MYOF: variants seen among roughly 807,000 people sequenced by gnomAD.
MYOF encodes the protein myoferlin.
MYOF carries 244 observed loss-of-function variants against 284.2 expected under a neutral mutation model. The observed-to-expected ratio is 0.86, with a 90% CI of 0.77 to 0.95. The LOEUF (loss-of-function observed/expected upper bound fraction) is 0.95, where lower values mean the gene tolerates loss of function less well. MYOF is among the 40% of genes least tolerant of loss of function. The pLI is 0.00. For missense variants in MYOF, 2,496 were observed against 2,560.6 expected (o/e 0.97, Z 0.54); for synonymous variants, 904 against 919.7 (o/e 0.98, Z 0.31).
rs1243618498 is a variant in MYOF at position 93,354,703 on chromosome 10, T to TCTCTCTCTCTCTCTCTCTCTCTCTCTC, written c.3404-816_3404-815insGAGAGAGAGAGAGAGAGAGAGAGAGAG. Among the ~76,000 whole-genome samples the TCTCTCTCTCTCTCTCTCTCTCTCTCTC allele has an allele frequency of 4.4e-4, 31 of 70,750 alleles. 3 individuals carry two copies. The highest frequency in any genetic ancestry group is 1.0e-3 in the African/African-American group (28 of 27,400). The allele number at this position is 70,750 out of a possible 152,430, so 46.4% of individuals were successfully genotyped here. ...TCTCTCTCTCTCTCTCTCTCTCTCT[T>TCTCTCTCTCTCTCTCTCTCTCTCTCTC]TGTGAGATAGCAGAGCATTATGATT... On this transcript the variant is annotated intron_variant, in intron 31 of 53. Transcript: ENST00000359263.
chr10:93,465,887 C>T (rs943752902), intron 1 of MYOF, among the ~76,000 whole-genome samples: 4 of 152,158 alleles, frequency 2.6e-5, no homozygotes, highest in African/African-American at 4.8e-5. Flanking sequence ...TGTGGAGCTC[C>T]GGAGGGCAGG....
intron 1 of MYOF, among the ~76,000 whole-genome samples, chr10:93,470,250 C>CAAAG (rs56240524): frequency 0.96 from 139,976 of 145,330 alleles, 67,628 homozygotes; most frequent in Non-Finnish European, 1. Flanking sequence ...AAGAAAGAAA[C>CAAAG]AAAGAAAGAA....
intron 40 of MYOF, 62 bp downstream of exon 40, chr10:93,337,753 C>G: frequency 7.1e-7 from 1 of 1,412,002 alleles, no homozygotes; most frequent in Non-Finnish European, 1.0e-6. Context: ...CCTCTTAGCT[C>G]TGCCTGTGGC....
At chr10:93,355,453 A>G (rs1348968242) in intron 31 of MYOF, among the ~76,000 whole-genome samples, 175 bp downstream of exon 31, 1 of 152,026 alleles carries the variant, frequency 6.6e-6, no homozygotes, top group Non-Finnish European at 1.5e-5. Context: ...AGGCATGGTG[A>G]CGTGCGCCTG....
chr10:93,451,687 A>C (rs2056595243), intron 3 of MYOF, among the ~76,000 whole-genome samples: 1 of 58,996 alleles, frequency 1.7e-5, no homozygotes, highest in Admixed American at 1.8e-4. Context: ...AATAATCAGA[A>C]GAAGTGATTT....
At chr10:93,388,842 T>G (rs1186236280) in intron 18 of MYOF, among the ~76,000 whole-genome samples, 188 bp downstream of exon 18, 2 of 152,226 alleles carry the variant, frequency 1.3e-5, no homozygotes, top group Non-Finnish European at 2.9e-5. Context: ...GCATAGAAGT[T>G]GGGGGAAATG....
intron 7 of MYOF, among the ~76,000 whole-genome samples, chr10:93,404,821 A>G (rs1847481167): frequency 1.3e-5 from 2 of 152,172 alleles, no homozygotes; most frequent in Admixed American, 6.5e-5. Flanking sequence ...TTTCAAGACA[A>G]TTTTGCCCAT....
At chr10:93,427,494 G>C (rs1848647598) in intron 4 of MYOF, among the ~76,000 whole-genome samples, 1 of 132,908 alleles carries the variant, frequency 7.5e-6, no homozygotes, top group Admixed American at 8.8e-5. Context: ...TCGTGCCACT[G>C]CACTCCAGCC....
intron 22 of MYOF, 121 bp from the exon 23 acceptor site, chr10:93,375,076 T>A: frequency 1.0e-6 from 1 of 975,938 alleles, no homozygotes; most frequent in East Asian, 2.6e-5. Context: ...ACCTCCTAAC[T>A]GAATCTACAA....
intron 3 of MYOF, among the ~76,000 whole-genome samples, chr10:93,437,803 C>T (rs1419676930): frequency 6.6e-6 from 1 of 152,184 alleles, no homozygotes; most frequent in African/African-American, 2.4e-5. Flanking sequence ...CTCCCCAGCA[C>T]TTCTCCCTCT....
chr10:93,401,458 G>T lies in MYOF; in HGVS notation c.1077C>A (p.Thr359=). 6.2e-7 allele frequency: 1 copy of T among 1,614,112 alleles called. No homozygotes were observed. The highest frequency in any genetic ancestry group is 8.5e-7 in the Non-Finnish European group (1 of 1,180,020). ...LPAGIALRWV[T]FLLKIYRAED... The stretch of plus-strand genomic sequence containing the variant: ...CAGCTCGGTAGATTTTCAGCAAGAA[G>T]GTCACCCACCGGAGGGCAATGCCAG... Residue 359 remains threonine (T), a synonymous_variant, in exon 12 of 54, where the codon ACC becomes ACA. Transcript: ENST00000359263.
At chr10:93,340,570 A>G (rs764410598) in intron 38 of MYOF, among the ~76,000 whole-genome samples, 2 of 152,116 alleles carry the variant, frequency 1.3e-5, no homozygotes, top group Non-Finnish European at 2.9e-5. Context: ...TTCCTTAAAT[A>G]TATCTCCGAA....
At chr10:93,406,317 T>TATATATATATATATATA (rs1554855587) in intron 7 of MYOF, among the ~76,000 whole-genome samples, 44 of 120,326 alleles carry the variant, frequency 3.7e-4, no homozygotes, top group South Asian at 1.2e-3. Flanking sequence ...TATATATATA[T>TATATATATATATATATA]TTGTTTTTAT....
At chr10:93,482,059 T>C (rs2057390286) in intron 1 of MYOF, 48 bp downstream of exon 1, 1 of 1,540,332 alleles carries the variant, frequency 6.5e-7, no homozygotes, top group Admixed American at 1.7e-5. Flanking sequence ...CTCAAGAAAC[T>C]AACATTCCAA....
At chr10:93,313,260 T>G (rs770958076) in intron 50 of MYOF, 50 bp from the exon 51 acceptor site, 1 of 1,552,662 alleles carries the variant, frequency 6.4e-7, no homozygotes, top group Non-Finnish European at 8.8e-7. Flanking sequence ...GTGGATCAGC[T>G]GTTGTTCACA....
chr10:93,448,217 C>A (rs540802502), intron 3 of MYOF, among the ~76,000 whole-genome samples: 138 of 151,966 alleles, frequency 9.1e-4, no homozygotes, highest in South Asian at 8.5e-3. Flanking sequence ...CCCTAACCCC[C>A]CAATGAACTG....
rs772023999 is a variant in MYOF at position 93,369,660 on chromosome 10, G to C, written c.2574C>G (p.Thr858=). Residue 858 remains threonine, a synonymous_variant, in exon 25 of 54, where the codon ACC becomes ACG. Coordinates refer to ENST00000359263, the MANE Select transcript of MYOF (RefSeq NM_013451.4). ...TTAAAGGTACCATTTCAGCAAAGAC[G>C]GTGAAAGTTCCTTCTGCGAAGCTGT... ...KFNSFAEGTF[T]VFAEMYENQA... is the part of the protein sequence containing the mutation. 3.7e-6 allele frequency: 6 copies of C among 1,614,032 alleles called. No homozygotes were observed. The highest frequency in any genetic ancestry group is 5.1e-6 in the Non-Finnish European group (6 of 1,180,022).
chr10:93,324,642 G>A (rs1423334748), intron 46 of MYOF: 6 of 152,204 alleles, frequency 3.9e-5, no homozygotes, highest in African/African-American at 1.4e-4. Flanking sequence ...GGAAGAAATG[G>A]AAATGTAGAA....
Position 93,313,015 on chromosome 10 carries a change from C to T in MYOF, c.5889+5G>A, listed in dbSNP as rs1024135707. 6.2e-7 allele frequency: 1 copy of T among 1,601,044 alleles called. No individual in the cohort carries two copies. Among genetic ancestry groups the T allele is most frequent in the African/African-American group, 1.3e-5 (1 of 74,346 alleles). On this transcript the variant is annotated splice_donor_5th_base_variant and intron_variant, in intron 51 of 53. Transcript: ENST00000359263. ...TTTTCAACCAGAACCAGGAAATGTT[C>T]ATACAGCCATTACGCGGGCGCCATC...
Sources: allele counts gnomAD v4.1 joint callset (sites outside exome capture counted in the v4.1 genomes callset), GRCh38; gene constraint gnomAD v4.1.1; transcripts MANE v1.5; gene names NCBI Gene and HGNC (gene_info 2026-07-23, HGNC 2026-07-21).